TANGO6: variants seen among roughly 807,000 people sequenced by gnomAD.
TANGO6 encodes the protein transport and golgi organization 6 homolog.
TANGO6 carries 90 observed loss-of-function variants against 114.2 expected under a neutral mutation model. That is an observed-to-expected ratio of 0.79 (90% CI 0.66 to 0.94). The LOEUF is 0.94. Ranked by LOEUF, TANGO6 falls within the 40% of genes least tolerant of loss-of-function variation. The pLI, the probability that TANGO6 is intolerant of heterozygous loss-of-function variation, is 0.00. For synonymous variants in TANGO6, 477 were observed against 509.8 expected (o/e 0.94, Z 0.87); for missense variants, 1,274 against 1,315.3 (o/e 0.97, Z 0.49).
At chr16:68,888,495 T>C (rs930710970) in intron 7 of TANGO6, among the ~76,000 whole-genome samples, 12 of 152,234 alleles carry the variant, frequency 7.9e-5, no homozygotes, top group Non-Finnish European at 1.6e-4. Flanking sequence ...ATTACTTGCC[T>C]GACACTCTTC....
At chr16:69,053,227 T>A (rs1419516544) in intron 17 of TANGO6, among the ~76,000 whole-genome samples, 2 of 152,170 alleles carry the variant, frequency 1.3e-5, no homozygotes, top group East Asian at 3.8e-4. Flanking sequence ...ATTATTATTA[T>A]TATTATTAAC....
At chr16:68,977,779 G>C (rs992346164) in intron 15 of TANGO6, among the ~76,000 whole-genome samples, 3 of 150,852 alleles carry the variant, frequency 2.0e-5, no homozygotes, top group African/African-American at 7.3e-5. Context: ...TCTGCCTCCT[G>C]GGTTCAAGCG....
At chr16:68,974,241 C>T in intron 15 of TANGO6, 73 bp downstream of exon 15, 2 of 1,573,278 alleles carry the variant, frequency 1.3e-6, no homozygotes, top group Non-Finnish European at 1.7e-6. Context: ...AATGTGTGTA[C>T]CTGGGGGCTT....
At chr16:68,928,705 A>G (rs1042648659) in intron 13 of TANGO6, among the ~76,000 whole-genome samples, 4 of 152,086 alleles carry the variant, frequency 2.6e-5, no homozygotes, top group Non-Finnish European at 5.9e-5. Context: ...AAACTAGTAA[A>G]GTTTGAGCAG....
Position 68,867,453 on chromosome 16 carries a change from A to G in TANGO6, c.994+233A>G. On this transcript the variant is annotated intron_variant, in intron 4 of 17. Transcript: ENST00000261778. ...TGTGATACACTGCCTATTTTATTGA[A>G]CAATATTGTAAGCCATTTCAAATAA... 8.5e-6 allele frequency: 4 copies of G among 473,232 alleles called. No individual in the cohort carries two copies. The South Asian group carries it at 1.2e-4, about 14-fold the overall frequency. 29.3% of individuals were successfully genotyped at this position (473,232 alleles called of 1,614,324 possible).
chr16:68,932,299 C>T (rs1024036327), intron 14 of TANGO6, among the ~76,000 whole-genome samples: 29 of 152,022 alleles, frequency 1.9e-4, no homozygotes, highest in South Asian at 4.1e-4. Flanking sequence ...CCATGTTGGT[C>T]AGGCTGGTCT....
At chr16:69,046,179 TATACAACCCAATATAA>T (rs1338096957) in intron 17 of TANGO6, among the ~76,000 whole-genome samples, 6 of 152,032 alleles carry the variant, frequency 3.9e-5, no homozygotes, top group African/African-American at 7.2e-5. Context: ...ACAACTCATG[TATACAACCCAATATAA>T]ATACAACCCA....
intron 15 of TANGO6, among the ~76,000 whole-genome samples, chr16:68,993,232 TAAC>T (rs1198898227): frequency 6.6e-6 from 1 of 152,236 alleles, no homozygotes; most frequent in Non-Finnish European, 1.5e-5. Context: ...TCTTTAAAGA[TAAC>T]AACATAATTA....
intron 15 of TANGO6, among the ~76,000 whole-genome samples, chr16:68,988,346 G>A (rs1346156943): frequency 2.0e-5 from 3 of 152,072 alleles, no homozygotes; most frequent in Admixed American, 6.6e-5. Context: ...CAATTGACTT[G>A]CCTTTTTCTC....
intron 15 of TANGO6, among the ~76,000 whole-genome samples, chr16:69,011,913 C>T (rs977554461): frequency 6.6e-6 from 1 of 152,204 alleles, no homozygotes; most frequent in Non-Finnish European, 1.5e-5. Flanking sequence ...AATCTTTTCA[C>T]AATGCCAGAA....
At chr16:68,896,958 C>A (rs1962714050) in intron 7 of TANGO6, among the ~76,000 whole-genome samples, 2 of 151,966 alleles carry the variant, frequency 1.3e-5, no homozygotes, top group South Asian at 4.1e-4. Context: ...GGCTGGAGTG[C>A]AATGGCATGA....
At chr16:68,975,546 T>G (rs1963755802) in intron 15 of TANGO6, among the ~76,000 whole-genome samples, 1 of 151,562 alleles carries the variant, frequency 6.6e-6, no homozygotes, top group South Asian at 2.1e-4. Flanking sequence ...GGGAAATGTT[T>G]CTTTCTTTTC....
intron 1 of TANGO6, among the ~76,000 whole-genome samples, chr16:68,849,971 CTTTTTTT>C (rs560571416): frequency 8.7e-6 from 1 of 114,862 alleles, no homozygotes; most frequent in Non-Finnish European, 1.8e-5. Context: ...TCTAGCGGTT[CTTTTTTT>C]TTTTTTTTTT....
chr16:68,900,550 A>T lies in TANGO6; in HGVS notation c.1490+4A>T, dbSNP rs1237813087. ...AGCAGAGTGTGTCTCACATAAGGTA[A>T]ACAATCAAGGGACCCTTATTTGTTT... On this transcript the variant is annotated splice_donor_region_variant and intron_variant, in intron 8 of 17. Coordinates refer to ENST00000261778, the MANE Select transcript of TANGO6 (RefSeq NM_024562.2). 4 of 1,597,372 alleles carry T rather than the reference A, an allele frequency of 2.5e-6. No homozygotes were observed. The Admixed American group carries it at 6.7e-5, about 27-fold the overall frequency.
intron 14 of TANGO6, among the ~76,000 whole-genome samples, chr16:68,946,443 C>T (rs868359392): frequency 7.8e-4 from 118 of 152,244 alleles, no homozygotes; most frequent in African/African-American, 2.8e-3. Flanking sequence ...ATCCGCCCAC[C>T]TCGGCCTCCC....
At chr16:68,950,436 G>T (rs1376182291) in intron 14 of TANGO6, among the ~76,000 whole-genome samples, 4 of 152,078 alleles carry the variant, frequency 2.6e-5, no homozygotes, top group Admixed American at 2.6e-4. Flanking sequence ...CATAGTATGG[G>T]TTCCTATAAT....
chr16:68,986,432 T>C (rs569339078), intron 15 of TANGO6, among the ~76,000 whole-genome samples: 92 of 152,056 alleles, frequency 6.1e-4, no homozygotes, highest in Non-Finnish European at 1.1e-3. Flanking sequence ...TTTCCGGCTG[T>C]AAAACACCCT....
At chr16:68,868,492 A>ATTTTTTTTTTTTTT (rs765054621) in intron 4 of TANGO6, among the ~76,000 whole-genome samples, 11 of 93,684 alleles carry the variant, frequency 1.2e-4, no homozygotes, top group Non-Finnish European at 2.1e-4. Flanking sequence ...CTATATTTCT[A>ATTTTTTTTTTTTTT]TTTTTTTTTT....
Position 68,994,636 on chromosome 16 carries a change from A to G in TANGO6, c.2842+20468A>G, listed in dbSNP as rs534466457. The stretch of plus-strand genomic sequence containing the variant: ...GTTACCCAGGCTGGAGTGCAGTGGC[A>G]CTATCATGGCTCACTGCAGTCTCTA... On this transcript the variant is annotated intron_variant, in intron 15 of 17. Transcript: ENST00000261778. Among the ~76,000 whole-genome samples the G allele has an allele frequency of 6.0e-5, 9 of 150,600 alleles. No homozygotes were observed. In the South Asian group the frequency reaches 1.9e-3, roughly 32 times the overall value.
Sources: gnomAD v4.1 joint callset for allele counts (sites outside exome capture counted in the v4.1 genomes callset) on GRCh38, gnomAD v4.1.1 for gene constraint, MANE v1.5 for transcripts, NCBI Gene and HGNC (gene_info 2026-07-23, HGNC 2026-07-21) for gene names.